The following CAPN14 variants were observed in gnomAD, a reference collection of about 807,000 sequenced individuals.
CAPN14 encodes calpain-14.
A neutral mutation model predicts 101.3 loss-of-function variants in CAPN14; 94 were observed. The ratio of observed to expected loss-of-function variants is 0.93; its 90% confidence interval spans 0.79 to 1.10. CAPN14 has a LOEUF of 1.10. Ranked by LOEUF, CAPN14 falls within the 50% of genes least tolerant of loss-of-function variation. The pLI is 0.00. For missense variants in CAPN14, 837 were observed against 828.4 expected, an observed-to-expected ratio of 1.01 and a Z score of -0.13; for synonymous variants, 338 against 317.9, an observed-to-expected ratio of 1.06 and a Z score of -0.67.
At chr2:31,224,010 C>A (rs895107756) in intron 2 of CAPN14, among the ~76,000 whole-genome samples, 1 of 152,148 alleles carries the variant, frequency 6.6e-6, no homozygotes, top group Non-Finnish European at 1.5e-5. Flanking sequence ...CGTCATTTTT[C>A]GCAACTACAT....
intron 21 of CAPN14, among the ~76,000 whole-genome samples, chr2:31,176,152 T>G (rs915493194): frequency 2.6e-5 from 4 of 152,186 alleles, no homozygotes; most frequent in Non-Finnish European, 4.4e-5. Context: ...TTGCTTGTGT[T>G]TCTCCCATTT....
intron 2 of CAPN14, among the ~76,000 whole-genome samples, chr2:31,225,690 A>T (rs1305339705): frequency 6.6e-6 from 1 of 152,158 alleles, no homozygotes; most frequent in African/African-American, 2.4e-5. Context: ...ATATGGCTGA[A>T]TATTAGCATT....
chr2:31,201,131 A>G (rs958528982), intron 5 of CAPN14, among the ~76,000 whole-genome samples: 16 of 140,960 alleles, frequency 1.1e-4, no homozygotes, highest in East Asian at 4.2e-4. Context: ...GCATGTGTGT[A>G]TGTGTGGACG....
At chr2:31,176,092 C>A (rs544645202) in intron 21 of CAPN14, among the ~76,000 whole-genome samples, 1 of 152,192 alleles carries the variant, frequency 6.6e-6, no homozygotes, top group Non-Finnish European at 1.5e-5. Flanking sequence ...GACTTGCAGG[C>A]GTGCCAGATT....
intron 2 of CAPN14, among the ~76,000 whole-genome samples, chr2:31,203,690 T>C (rs917784052): frequency 2.0e-5 from 3 of 152,278 alleles, no homozygotes; most frequent in Non-Finnish European, 4.4e-5. Flanking sequence ...CAGGATTTTC[T>C]GAGAGAAGTA....
At chr2:31,197,456 G>A in intron 7 of CAPN14, 122 bp from the exon 8 acceptor site, 1 of 655,140 alleles carries the variant, frequency 1.5e-6, no homozygotes, top group Admixed American at 2.5e-5. Flanking sequence ...AGAGAGAGCT[G>A]GTAGAGGAGA....
At chr2:31,185,681 T>C (rs1680868803) in intron 16 of CAPN14, among the ~76,000 whole-genome samples, 1 of 152,226 alleles carries the variant, frequency 6.6e-6, no homozygotes, top group Non-Finnish European at 1.5e-5. Context: ...TGAGAAGCCT[T>C]TTGCAAATTC....
At chr2:31,191,219 T>A (rs535167128) in intron 12 of CAPN14, among the ~76,000 whole-genome samples, 180 bp downstream of exon 12, 2 of 152,040 alleles carry the variant, frequency 1.3e-5, no homozygotes, top group Non-Finnish European at 2.9e-5. Flanking sequence ...ATAAAAAAGA[T>A]TAACAGATGC....
At chr2:31,190,647 A>C (rs999882662) in intron 12 of CAPN14, among the ~76,000 whole-genome samples, 2 of 152,336 alleles carry the variant, frequency 1.3e-5, no homozygotes, top group East Asian at 3.9e-4. Flanking sequence ...AGAAGTAGGC[A>C]TGACATAAAT....
At chr2:31,216,624 C>T (rs187843778) in intron 1 of CAPN14, among the ~76,000 whole-genome samples, 1 of 152,146 alleles carries the variant, frequency 6.6e-6, no homozygotes, top group Admixed American at 6.5e-5. Context: ...ACACCCCTCA[C>T]CCTATCAGGC....
chr2:31,201,714 A>G, intron 5 of CAPN14, 148 bp downstream of exon 5: 1 of 1,066,648 alleles, frequency 9.4e-7, no homozygotes, highest in Non-Finnish European at 1.3e-6. Flanking sequence ...CCTACATAAA[A>G]GACTGAATAC....
chr2:31,212,979 C>T (rs1253784123), intron 1 of CAPN14, among the ~76,000 whole-genome samples: 1 of 152,234 alleles, frequency 6.6e-6, no homozygotes, highest in Non-Finnish European at 1.5e-5. Flanking sequence ...ACTCTGTCTA[C>T]ATGATAAAAA....
chr2:31,229,687 A>G (rs1683131272), intron 1 of CAPN14, among the ~76,000 whole-genome samples: 7 of 151,286 alleles, frequency 4.6e-5, no homozygotes, highest in Admixed American at 4.6e-4. Context: ...TCCAAAAAAA[A>G]AAAAAAAAAA....
In CAPN14 at chr2:31,193,218, C is replaced by T. The variant is rs1269264928; in HGVS notation, c.1027G>A (p.Glu343Lys). ...CKLTPGLLSQ[E>K]AAQKWTYTMR... ...GTGTACGTCCACTTCTGGGCCGCCTCCTGGCTCAACAGGCCTGGGGTCAGT... is the reference window on the plus strand; with the variant it reads ...GTGTACGTCCACTTCTGGGCCGCCTTCTGGCTCAACAGGCCTGGGGTCAGT... The change falls in exon 10 of 22, where the codon GAG becomes AAG. Residue 343 changes from glutamate to lysine, a missense_variant. Physicochemically the swap from Glu to Lys is moderately conservative, Grantham distance 56. Coordinates refer to ENST00000403897, the MANE Select transcript of CAPN14 (RefSeq NM_001145122.2). 1 of 1,551,738 alleles carries T rather than the reference C, an allele frequency of 6.4e-7. No individual in the cohort carries two copies. The highest frequency in any genetic ancestry group is 2.0e-5 in the Admixed American group (1 of 51,016).
At chr2:31,209,028 G>C (rs1682253252) in intron 1 of CAPN14, among the ~76,000 whole-genome samples, 1 of 152,064 alleles carries the variant, frequency 6.6e-6, no homozygotes. Flanking sequence ...GGAGTGCAAG[G>C]ACACGATCAC....
At chr2:31,181,687 A>T (rs1680644238) in intron 16 of CAPN14, among the ~76,000 whole-genome samples, 1 of 67,478 alleles carries the variant, frequency 1.5e-5, no homozygotes. Context: ...CCCACCCCAC[A>T]ACAGTCCCCA....
chr2:31,177,333 CA>C (rs1211471173), intron 19 of CAPN14, among the ~76,000 whole-genome samples, 191 bp from the exon 20 acceptor site: 4 of 133,798 alleles, frequency 3.0e-5, no homozygotes, highest in African/African-American at 1.3e-4. Flanking sequence ...CCCTACTCTT[CA>C]CCCCTGTCTG....
At chr2:31,193,728 T>A (rs1681329519) in intron 9 of CAPN14, among the ~76,000 whole-genome samples, 1 of 152,250 alleles carries the variant, frequency 6.6e-6, no homozygotes, top group Non-Finnish European at 1.5e-5. Flanking sequence ...ACACTCTATT[T>A]AAGCTGTCTG....
intron 13 of CAPN14, 25 bp from the exon 14 acceptor site, chr2:31,188,379 A>G (rs1289676625): frequency 1.3e-6 from 2 of 1,550,322 alleles, no homozygotes; most frequent in Non-Finnish European, 1.7e-6. Context: ...ACAAGAACAA[A>G]CTCAGAGTTT....
Sources: allele counts gnomAD v4.1 joint callset (sites outside exome capture counted in the v4.1 genomes callset), GRCh38; gene constraint gnomAD v4.1.1; transcripts MANE v1.5; gene names NCBI Gene and HGNC (gene_info 2026-07-23, HGNC 2026-07-21).